The following TAOK3 variants were observed in gnomAD, a reference collection of about 807,000 sequenced individuals.
TAOK3 encodes the protein TAO kinase 3, also known as serine/threonine-protein kinase TAO3.
In TAOK3, 40 loss-of-function variants were observed where a neutral mutation model predicts 120.4. The ratio of observed to expected loss-of-function variants is 0.33; its 90% CI spans 0.26 to 0.43. The LOEUF (loss-of-function observed/expected upper bound fraction) is 0.43. Among genes scored for constraint, TAOK3 ranks in the 20% least tolerant of loss-of-function variants. TAOK3 has a pLI of 1.00. For synonymous variants in TAOK3, 355 were observed against 387.5 expected, an observed-to-expected ratio of 0.92 and a Z score of 0.99; for missense variants, 821 against 1,112.1, an observed-to-expected ratio of 0.74 and a Z score of 3.72.
rs538638119 is a variant in TAOK3 at position 118,354,879 on chromosome 12, A to G, written c.-194+17769T>C. On this transcript the variant is annotated intron_variant, in intron 1 of 20. Transcript: ENST00000392533. ...TCCTGTATAAATTACCCAGCCTCAGATGTCTTTATTAGCAGCGTGAAAACA... is the reference window on the plus strand; with the variant it reads ...TCCTGTATAAATTACCCAGCCTCAGGTGTCTTTATTAGCAGCGTGAAAACA... 4.6e-5 allele frequency among the ~76,000 whole-genome samples: 7 copies of G among 152,108 alleles called. No individual in the cohort carries two copies. The East Asian group carries it at 1.4e-3, about 29-fold the overall frequency.
intron 13 of TAOK3, among the ~76,000 whole-genome samples, chr12:118,196,050 A>AAAAT (rs200676149): frequency 0.31 from 43,005 of 137,932 alleles, 6,982 homozygotes; most frequent in East Asian, 0.48. Context: ...ACTCCATCTC[A>AAAAT]AAATAAATAA....
At chr12:118,267,884 C>CAAAAAA (rs60331520) in intron 1 of TAOK3, among the ~76,000 whole-genome samples, 11 of 78,844 alleles carry the variant, frequency 1.4e-4, no homozygotes, top group African/African-American at 5.8e-4. Context: ...GACTCCATCT[C>CAAAAAA]AAAAAAAAAA....
intron 1 of TAOK3, among the ~76,000 whole-genome samples, chr12:118,368,975 G>C (rs1483105718): frequency 7.1e-6 from 1 of 140,138 alleles, no homozygotes; most frequent in Non-Finnish European, 1.5e-5. Flanking sequence ...CCTGGGCAAT[G>C]TTGTGAAATC....
chr12:118,249,503 A>G (rs1211833088), intron 3 of TAOK3, among the ~76,000 whole-genome samples: 2 of 151,466 alleles, frequency 1.3e-5, no homozygotes, highest in African/African-American at 4.9e-5. Context: ...CGGAGGTTGC[A>G]GTCAGCCAAG....
At chr12:118,291,916 C>T (rs748910305) in intron 1 of TAOK3, among the ~76,000 whole-genome samples, 14 of 152,112 alleles carry the variant, frequency 9.2e-5, no homozygotes, top group Middle Eastern at 3.4e-3. Context: ...CGGGTTCAAG[C>T]GATTCTCCTG....
intron 1 of TAOK3, among the ~76,000 whole-genome samples, chr12:118,325,806 A>G (rs1215362298): frequency 2.0e-5 from 3 of 152,024 alleles, no homozygotes; most frequent in African/African-American, 4.8e-5. Context: ...CAGCCTCCCG[A>G]GTAGCTGGGA....
At chr12:118,246,707 T>G (rs1188122448) in intron 3 of TAOK3, 4 of 1,586,994 alleles carry the variant, frequency 2.5e-6, no homozygotes, top group Non-Finnish European at 3.4e-6. Flanking sequence ...TCTCCGCACC[T>G]GTGCCTAAGA....
At chr12:118,315,346 A>G (rs905987935) in intron 1 of TAOK3, among the ~76,000 whole-genome samples, 2 of 152,266 alleles carry the variant, frequency 1.3e-5, no homozygotes, top group Admixed American at 1.3e-4. Flanking sequence ...TGAGCTAAAT[A>G]TAAATTTATC....
At chr12:118,198,623 G>T (rs2037865424) in intron 13 of TAOK3, 1 of 188,474 alleles carries the variant, frequency 5.3e-6, no homozygotes, top group Admixed American at 5.4e-5. Flanking sequence ...CTGACCTCAA[G>T]TGATCCACCC....
At chr12:118,368,342 G>A (rs1593721581) in intron 1 of TAOK3, among the ~76,000 whole-genome samples, 1 of 151,966 alleles carries the variant, frequency 6.6e-6, no homozygotes, top group African/African-American at 2.4e-5. Context: ...AATTACAGGC[G>A]CCTGCCACCA....
At chr12:118,177,150 T>C in intron 16 of TAOK3, 51 bp downstream of exon 16, 1 of 1,584,150 alleles carries the variant, frequency 6.3e-7, no homozygotes, top group Non-Finnish European at 8.6e-7. Flanking sequence ...GAATGTTAAG[T>C]TCCAACCATT....
At chr12:118,242,133 A>G (rs1240372274) in intron 5 of TAOK3, among the ~76,000 whole-genome samples, 1 of 152,066 alleles carries the variant, frequency 6.6e-6, no homozygotes, top group Non-Finnish European at 1.5e-5. Flanking sequence ...AACAGTGTGA[A>G]GGATTTTCTG....
intron 1 of TAOK3, among the ~76,000 whole-genome samples, chr12:118,312,544 G>A (rs1430922066): frequency 1.3e-5 from 2 of 152,036 alleles, no homozygotes; most frequent in African/African-American, 2.4e-5. Flanking sequence ...CTTATTAAAG[G>A]CTTATTACTA....
chr12:118,213,327 T>C (rs1362135872), intron 10 of TAOK3, among the ~76,000 whole-genome samples: 1 of 152,104 alleles, frequency 6.6e-6, no homozygotes, highest in Non-Finnish European at 1.5e-5. Flanking sequence ...ATTCTCATAG[T>C]CTCAACTCTA....
At chr12:118,307,352 G>C (rs1248210425) in intron 1 of TAOK3, among the ~76,000 whole-genome samples, 1 of 151,852 alleles carries the variant, frequency 6.6e-6, no homozygotes, top group African/African-American at 2.4e-5. Flanking sequence ...AATTATTTTT[G>C]TTGGCCTAAC....
At chr12:118,219,310 T>G (rs1365415930) in intron 9 of TAOK3, among the ~76,000 whole-genome samples, 1 of 151,374 alleles carries the variant, frequency 6.6e-6, no homozygotes, top group Non-Finnish European at 1.5e-5. Context: ...TGGAGTGCAG[T>G]GGCGTGATCA....
intron 12 of TAOK3, chr12:118,200,530 G>A (rs1366534059): frequency 1.3e-5 from 2 of 152,058 alleles, no homozygotes; most frequent in Non-Finnish European, 2.9e-5. Flanking sequence ...TACAACTCCA[G>A]TAATCTACTA....
intron 1 of TAOK3, among the ~76,000 whole-genome samples, chr12:118,273,230 C>T (rs527704751): frequency 6.6e-6 from 1 of 152,040 alleles, no homozygotes; most frequent in Non-Finnish European, 1.5e-5. Flanking sequence ...AGGGCCAGCG[C>T]GGTGGCTCAT....
intron 17 of TAOK3, among the ~76,000 whole-genome samples, chr12:118,162,652 C>CCTGCCCAGCT (rs2035296511): frequency 7.2e-5 from 11 of 151,890 alleles, no homozygotes; most frequent in African/African-American, 2.7e-4. Context: ...TCTCAGAGTT[C>CCTGCCCAGCT]AAGGCATGTT....
Sources: allele counts gnomAD v4.1 joint callset (sites outside exome capture counted in the v4.1 genomes callset), GRCh38; gene constraint gnomAD v4.1.1; transcripts MANE v1.5; gene names NCBI Gene and HGNC (gene_info 2026-07-23, HGNC 2026-07-21).